The following DNAJC3 variants were observed in gnomAD, a reference collection of about 807,000 sequenced individuals.
DNAJC3 encodes dnaJ homolog subfamily C member 3.
In DNAJC3, 38 loss-of-function variants were observed where a neutral mutation model predicts 68.6. The observed-to-expected ratio is 0.55, with a 90% confidence interval of 0.43 to 0.73. DNAJC3 has a LOEUF of 0.73. Among genes scored for constraint, DNAJC3 ranks in the 30% least tolerant of loss-of-function variants. The pLI is 0.00. For synonymous variants in DNAJC3, 203 were observed against 204.0 expected (o/e 1.00, Z 0.04); for missense variants, 526 against 591.9 (o/e 0.89, Z 1.16).
At chr13:95,750,659 G>A (rs770802613) in intron 4 of DNAJC3, among the ~76,000 whole-genome samples, 9 of 151,782 alleles carry the variant, frequency 5.9e-5, no homozygotes, top group Non-Finnish European at 1.0e-4. Flanking sequence ...ACAGACCTGC[G>A]CCACCACTCC....
chr13:95,717,207 C>G (rs1345487197), intron 2 of DNAJC3, among the ~76,000 whole-genome samples: 1 of 152,170 alleles, frequency 6.6e-6, no homozygotes, highest in Non-Finnish European at 1.5e-5. Flanking sequence ...GTGAAATGAT[C>G]GATTTCTTCA....
intron 2 of DNAJC3, among the ~76,000 whole-genome samples, chr13:95,713,544 G>A (rs931925188): frequency 2.6e-5 from 4 of 152,214 alleles, no homozygotes; most frequent in Non-Finnish European, 4.4e-5. Flanking sequence ...ATATTGTAAA[G>A]TTGTCAAGTG....
chr13:95,748,602 G>A (rs964949679), intron 4 of DNAJC3, among the ~76,000 whole-genome samples: 1 of 152,152 alleles, frequency 6.6e-6, no homozygotes, highest in Non-Finnish European at 1.5e-5. Context: ...GATCACCTGA[G>A]CTCAGGAGTT....
At chr13:95,748,113 A>G (rs1035588926) in intron 4 of DNAJC3, among the ~76,000 whole-genome samples, 1 of 152,174 alleles carries the variant, frequency 6.6e-6, no homozygotes, top group Non-Finnish European at 1.5e-5. Flanking sequence ...TATCTTTGCT[A>G]TTCATGCTTT....
At chr13:95,763,204 T>C (rs1234866004) in intron 7 of DNAJC3, among the ~76,000 whole-genome samples, 17 of 152,224 alleles carry the variant, frequency 1.1e-4, no homozygotes, top group Non-Finnish European at 2.2e-4. Context: ...ATACTGACAT[T>C]AATTATATAA....
At chr13:95,709,167 T>G in intron 1 of DNAJC3, 60 bp from the exon 2 acceptor site, 1 of 1,212,282 alleles carries the variant, frequency 8.2e-7, no homozygotes, top group East Asian at 2.9e-5. Context: ...ATATTATATT[T>G]TTTAGAATTA....
At chr13:95,788,252 C>G (rs1469210356) in intron 11 of DNAJC3, among the ~76,000 whole-genome samples, 1 of 152,236 alleles carries the variant, frequency 6.6e-6, no homozygotes, top group African/African-American at 2.4e-5. Context: ...TGAGTGGCTA[C>G]AACCTGCCTT....
At chr13:95,761,597 A>G (rs528522651) in intron 7 of DNAJC3, among the ~76,000 whole-genome samples, 2 of 152,304 alleles carry the variant, frequency 1.3e-5, no homozygotes, top group South Asian at 4.1e-4. Flanking sequence ...GATACAGAAT[A>G]ATTCCATCCC....
chr13:95,708,081 C>A (rs974122499), intron 1 of DNAJC3, among the ~76,000 whole-genome samples: 4 of 152,174 alleles, frequency 2.6e-5, no homozygotes, highest in Non-Finnish European at 5.9e-5. Flanking sequence ...GGATGTCCTC[C>A]TCATCCATAC....
At chr13:95,732,474 A>G (rs890492382) in intron 4 of DNAJC3, among the ~76,000 whole-genome samples, 1 of 152,142 alleles carries the variant, frequency 6.6e-6, no homozygotes, top group Non-Finnish European at 1.5e-5. Flanking sequence ...GCTATTAATA[A>G]TAGTCTTTGG....
chr13:95,770,065 G>A (rs1014935477), intron 9 of DNAJC3, among the ~76,000 whole-genome samples: 1 of 152,224 alleles, frequency 6.6e-6, no homozygotes, highest in Non-Finnish European at 1.5e-5. Context: ...TGGGACAGAC[G>A]CTTAGAAAGC....
intron 2 of DNAJC3, among the ~76,000 whole-genome samples, chr13:95,715,731 C>A (rs554973824): frequency 6.6e-6 from 1 of 151,804 alleles, no homozygotes; most frequent in African/African-American, 2.4e-5. Context: ...GATGATCCAC[C>A]CCCCCTTGGC....
At chr13:95,722,075 T>A (rs1881339921) in intron 2 of DNAJC3, among the ~76,000 whole-genome samples, 1 of 152,208 alleles carries the variant, frequency 6.6e-6, no homozygotes, top group East Asian at 1.9e-4. Flanking sequence ...ATTCTTTATA[T>A]GCTTCTATTT....
At chr13:95,739,566 C>T (rs1882053520) in intron 4 of DNAJC3, among the ~76,000 whole-genome samples, 1 of 152,040 alleles carries the variant, frequency 6.6e-6, no homozygotes, top group African/African-American at 2.4e-5. Flanking sequence ...CGCTTCATTT[C>T]ATTCATTTCA....
chr13:95,742,926 C>G (rs1882193133), intron 4 of DNAJC3: 1 of 461,612 alleles, frequency 2.2e-6, no homozygotes. Context: ...ATTTTTAAGC[C>G]CATAGTCTAT....
chr13:95,705,589 A>T (rs1468095717), intron 1 of DNAJC3, among the ~76,000 whole-genome samples: 1 of 150,938 alleles, frequency 6.6e-6, no homozygotes, highest in East Asian at 1.9e-4. Context: ...GTATAGTGGC[A>T]CGATCATAGC....
intron 4 of DNAJC3, among the ~76,000 whole-genome samples, chr13:95,750,262 C>G (rs1273934535): frequency 1.5e-5 from 1 of 65,716 alleles, no homozygotes; most frequent in South Asian, 5.8e-4. Context: ...GACCCTGTCT[C>G]AAAAAAAAAA....
At chr13:95,764,389 A>ATG (rs1882915373) in intron 9 of DNAJC3, among the ~76,000 whole-genome samples, 1 of 148,990 alleles carries the variant, frequency 6.7e-6, no homozygotes, top group Non-Finnish European at 1.5e-5. Context: ...ATATATATAT[A>ATG]TATATACTCG....
In DNAJC3 at chr13:95,790,907, T is replaced by C. The variant is rs144545736; in HGVS notation, c.1392T>C (p.Pro464=). Residue 464 remains proline (P), a synonymous_variant, in exon 12 of 12, where the codon CCT becomes CCC. Transcript: ENST00000602402. ...AGAAGTTTGACGACGGAGAAGATCC[T>C]TTGGATGCAGAGAGCCAGCAAGGAG... The part of the protein sequence containing the change: ...MRKKFDDGED[P]LDAESQQGGG... 2.2e-5 allele frequency: 35 copies of C among 1,606,200 alleles called. No homozygotes were observed. Among genetic ancestry groups the C allele is most frequent in the African/African-American group, 2.7e-5 (2 of 74,164 alleles).
Sources: allele counts gnomAD v4.1 joint callset (sites outside exome capture counted in the v4.1 genomes callset), GRCh38; gene constraint gnomAD v4.1.1; transcripts MANE v1.5; gene names NCBI Gene and HGNC (gene_info 2026-07-23, HGNC 2026-07-21).